Variants in DTNA observed in about 807,000 individuals in gnomAD.
DTNA encodes the protein dystrobrevin alpha.
A neutral mutation model predicts 100.7 loss-of-function variants in DTNA; 43 were observed. The ratio of observed to expected loss-of-function variants is 0.43; its 90% CI spans 0.33 to 0.55. The LOEUF is 0.55. DTNA is among the 20% of genes least tolerant of loss of function. The pLI is 0.04. For missense variants in DTNA, 798 were observed against 953.9 expected, an observed-to-expected ratio of 0.84 and a Z score of 2.15; for synonymous variants, 349 against 347.9, an observed-to-expected ratio of 1.00 and a Z score of -0.04.
intron 1 of DTNA, among the ~76,000 whole-genome samples, chr18:34,504,587 T>C (rs78969941): frequency 5.2e-4 from 79 of 152,312 alleles, no homozygotes; most frequent in African/African-American, 1.8e-3. Context: ...TCTTTCTTCC[T>C]GAAGGATTTT....
chr18:34,576,335 T>A (rs528379440), intron 1 of DTNA, among the ~76,000 whole-genome samples: 1 of 152,182 alleles, frequency 6.6e-6, no homozygotes, highest in African/African-American at 2.4e-5. Context: ...AAGTCAGCAA[T>A]TGACAATCAA....
chr18:34,686,577 A>G (rs1166320907), intron 1 of DTNA, among the ~76,000 whole-genome samples: 1 of 152,192 alleles, frequency 6.6e-6, no homozygotes, highest in Non-Finnish European at 1.5e-5. Context: ...AATGTTCATC[A>G]GGAATATTGG....
chr18:34,885,057 G>A (rs1257192464), intron 22 of DTNA, among the ~76,000 whole-genome samples: 1 of 152,128 alleles, frequency 6.6e-6, no homozygotes, highest in African/African-American at 2.4e-5. Flanking sequence ...ATCCTCTGTG[G>A]CTATGAAACT....
chr18:34,747,947 C>G (rs1370997971), intron 1 of DTNA, among the ~76,000 whole-genome samples: 1 of 152,062 alleles, frequency 6.6e-6, no homozygotes. Flanking sequence ...AAATTGTTCC[C>G]TTTCACCCCA....
At chr18:34,501,429 T>A (rs1490207894) in intron 1 of DTNA, among the ~76,000 whole-genome samples, 1 of 152,224 alleles carries the variant, frequency 6.6e-6, no homozygotes, top group Non-Finnish European at 1.5e-5. Flanking sequence ...AGTTTTCTTT[T>A]TTTGGTACTG....
intron 1 of DTNA, among the ~76,000 whole-genome samples, chr18:34,579,102 A>G (rs1163123352): frequency 6.6e-6 from 1 of 152,122 alleles, no homozygotes; most frequent in Non-Finnish European, 1.5e-5. Context: ...GCACACATGC[A>G]TCTTTATTAT....
intron 1 of DTNA, among the ~76,000 whole-genome samples, chr18:34,587,686 C>T (rs778522253): frequency 1.3e-5 from 2 of 152,094 alleles, no homozygotes; most frequent in Non-Finnish European, 2.9e-5. Flanking sequence ...GGTTGTGTAG[C>T]TAACAAGGGA....
chr18:34,638,040 C>T (rs953774942), intron 1 of DTNA, among the ~76,000 whole-genome samples: 4 of 152,192 alleles, frequency 2.6e-5, no homozygotes, highest in African/African-American at 4.8e-5. Context: ...TACTTCTTAT[C>T]GTTGTCTGTC....
At chr18:34,647,096 C>T (rs2059932932) in intron 1 of DTNA, among the ~76,000 whole-genome samples, 1 of 151,608 alleles carries the variant, frequency 6.6e-6, no homozygotes, top group Non-Finnish European at 1.5e-5. Context: ...AATGTGAGTA[C>T]CAGGGTACCT....
chr18:34,890,494 G>A lies in DTNA; in HGVS notation c.*2760G>A, dbSNP rs1156837040. 3 of 1,533,514 alleles carry A rather than the reference G, an allele frequency of 2.0e-6. No individual in the cohort carries two copies. The highest frequency in any genetic ancestry group is 2.6e-6 in the Non-Finnish European group (3 of 1,145,462). The allele number at this position is 1,533,514 out of a possible 1,614,324, so 95.0% of individuals were successfully genotyped here. A position where few individuals can be genotyped will look rare whatever the true frequency, so the allele number is the denominator to read the frequency against. The stretch of plus-strand genomic sequence containing the variant: ...TGTCCATTAGATACAACTACATCTT[G>A]CGGGGGTTGTTTCTTTCTTGTTCCA... On this transcript the variant is annotated 3_prime_UTR_variant, in exon 23 of 23. Coordinates refer to ENST00000444659, the MANE Select transcript of DTNA (RefSeq NM_001386795.1).
At chr18:34,761,557 T>C (rs1192503066) in intron 2 of DTNA, among the ~76,000 whole-genome samples, 2 of 152,010 alleles carry the variant, frequency 1.3e-5, no homozygotes, top group Non-Finnish European at 1.5e-5. Flanking sequence ...AGAGAATCTT[T>C]TCAAAAAGGG....
chr18:34,627,489 C>G (rs919267135), intron 1 of DTNA, among the ~76,000 whole-genome samples: 1 of 152,192 alleles, frequency 6.6e-6, no homozygotes, highest in Non-Finnish European at 1.5e-5. Context: ...TCCTCCCAGC[C>G]AATGCCCACA....
At chr18:34,695,580 C>T (rs1206372468) in intron 1 of DTNA, among the ~76,000 whole-genome samples, 1 of 152,154 alleles carries the variant, frequency 6.6e-6, no homozygotes, top group Non-Finnish European at 1.5e-5. Context: ...CTGGGTCACC[C>T]AAGCCTTAAT....
intron 1 of DTNA, among the ~76,000 whole-genome samples, chr18:34,604,645 A>G (rs1479693781): frequency 6.6e-6 from 1 of 152,186 alleles, no homozygotes; most frequent in African/African-American, 2.4e-5. Context: ...ATGCTGAAAA[A>G]TATCTTATGT....
intron 20 of DTNA, among the ~76,000 whole-genome samples, chr18:34,880,512 C>T (rs1056998937): frequency 1.2e-4 from 19 of 152,150 alleles, no homozygotes; most frequent in Admixed American, 1.2e-3. Context: ...AAGGCTGACC[C>T]AAAAGCTGGG....
intron 18 of DTNA, 129 bp downstream of exon 18, chr18:34,875,527 G>A (rs1162965082): frequency 9.5e-6 from 13 of 1,363,058 alleles, no homozygotes; most frequent in African/African-American, 1.4e-5. Flanking sequence ...TGGTGTCAGA[G>A]CCTGGCCTGC....
At chr18:34,774,517 T>G (rs1367297742) in intron 3 of DTNA, among the ~76,000 whole-genome samples, 1 of 152,256 alleles carries the variant, frequency 6.6e-6, no homozygotes, top group African/African-American at 2.4e-5. Flanking sequence ...TAGCAATCAC[T>G]CATTTATGTA....
chr18:34,740,802 A>AG (rs1028123002), intron 1 of DTNA, among the ~76,000 whole-genome samples: 1 of 145,924 alleles, frequency 6.9e-6, no homozygotes, highest in African/African-American at 2.7e-5. Context: ...TCTCAAAAAC[A>AG]GGAAAAAAAA....
At chr18:34,731,595 T>C in intron 1 of DTNA, among the ~76,000 whole-genome samples, 1 of 152,252 alleles carries the variant, frequency 6.6e-6, no homozygotes, top group East Asian at 1.9e-4. Context: ...ATGATGATGA[T>C]TCTGTATTGG....
Sources: gnomAD v4.1 joint callset for allele counts (sites outside exome capture counted in the v4.1 genomes callset) on GRCh38, gnomAD v4.1.1 for gene constraint, MANE v1.5 for transcripts, NCBI Gene and HGNC (gene_info 2026-07-23, HGNC 2026-07-21) for gene names.